EIF4B: variants seen among roughly 807,000 people sequenced by gnomAD.
EIF4B encodes eukaryotic translation initiation factor 4B.
Under a neutral mutation model 79.3 loss-of-function variants are expected in EIF4B, and 8 were observed. That is an observed-to-expected ratio of 0.10 (90% CI 0.06 to 0.18). The LOEUF is 0.18. Ranked by LOEUF, EIF4B falls within the 10% of genes least tolerant of loss-of-function variation. The probability of loss-of-function intolerance (pLI) is 1.00; values close to 1 mark genes in which losing one functional copy is unlikely to be tolerated. For synonymous variants in EIF4B, 238 were observed against 274.7 expected (o/e 0.87, Z 1.32); for missense variants, 515 against 792.4 (o/e 0.65, Z 4.20).
chr12:53,027,137 A>AATTTTTTTT (rs1491387300), intron 6 of EIF4B, among the ~76,000 whole-genome samples: 2 of 25,722 alleles, frequency 7.8e-5, no homozygotes, highest in East Asian at 1.7e-3. Context: ...AAAAAAAAAA[A>AATTTTTTTT]TTTTTTTTTT....
At chr12:53,014,491 ATAT>A (rs1171261566) in intron 1 of EIF4B, 1 of 152,104 alleles carries the variant, frequency 6.6e-6, no homozygotes, top group Admixed American at 6.5e-5. Flanking sequence ...AGCTGGATTA[ATAT>A]TAAGTCACTT....
At chr12:53,035,987 T>TTTTGTATTTTTAATAGAGATGCAGA (rs141046894) in intron 10 of EIF4B, among the ~76,000 whole-genome samples, 2 of 150,776 alleles carry the variant, frequency 1.3e-5, no homozygotes, top group Admixed American at 6.6e-5. Context: ...CCGACTAATT[T>TTTTGTATTTTTAATAGAGATGCAGA]TTTGAACGGG....
At position 53,028,684 on chromosome 12, in the gene EIF4B, G is replaced by GA. The variant is rs990495677; in HGVS notation, c.979+504dup. Reference sequence around the variant, plus strand: ...ATTTATTGAATAAACAGTAGAAATGGAAAAAAAAGTTGCCAGATACTGTTA... The same window carrying GA: ...ATTTATTGAATAAACAGTAGAAATGGAAAAAAAAAGTTGCCAGATACTGTTA... On this transcript the variant is annotated intron_variant, in intron 8 of 14. Coordinates refer to ENST00000262056, the MANE Select transcript of EIF4B (RefSeq NM_001417.7). 9.2e-5 allele frequency among the ~76,000 whole-genome samples: 14 copies of GA among 151,658 alleles called. 1 individual carries two copies. The highest frequency in any genetic ancestry group is 7.7e-4 in the East Asian group (4 of 5,182).
intron 1 of EIF4B, among the ~76,000 whole-genome samples, chr12:53,010,210 T>C (rs1346211704): frequency 1.3e-5 from 2 of 152,218 alleles, no homozygotes; most frequent in African/African-American, 4.8e-5. Context: ...TGGCATCTTC[T>C]GTCAAAATGA....
intron 1 of EIF4B, among the ~76,000 whole-genome samples, chr12:53,010,496 C>T (rs1395558309): frequency 1.3e-5 from 2 of 152,142 alleles, no homozygotes; most frequent in African/African-American, 4.8e-5. Flanking sequence ...TATTGTATTA[C>T]ATTGCATGAA....
chr12:53,034,782 A>T, intron 10 of EIF4B, 73 bp downstream of exon 10: 1 of 1,501,540 alleles, frequency 6.7e-7, no homozygotes, highest in Non-Finnish European at 9.3e-7. Flanking sequence ...TTATGCAGAG[A>T]CCCTGCAATA....
chr12:53,018,014 G>T (rs1422997091), intron 2 of EIF4B, among the ~76,000 whole-genome samples: 1 of 152,176 alleles, frequency 6.6e-6, no homozygotes, highest in Non-Finnish European at 1.5e-5. Flanking sequence ...TTTTCAGATG[G>T]AGTCTCACTC....
In EIF4B at chr12:53,006,748, A is replaced by G. The variant is rs565309200; in HGVS notation, c.13+252A>G. Among the ~76,000 whole-genome samples, 28 of 151,760 alleles carry G rather than the reference A, an allele frequency of 1.8e-4. 1 individual carries two copies. The highest frequency in any genetic ancestry group is 3.9e-4 in the Admixed American group (6 of 15,212). ...CGAGATTGGAATAGGCAGTAATGGT[A>G]GACTCTGGCTTGAATTGGGGAAGGA... is the stretch of plus-strand genomic sequence containing the variant. On this transcript the variant is annotated intron_variant, in intron 1 of 14. Transcript: ENST00000262056.
intron 8 of EIF4B, among the ~76,000 whole-genome samples, chr12:53,032,071 T>C (rs192250440): frequency 3.2e-4 from 49 of 152,362 alleles, no homozygotes; most frequent in African/African-American, 9.9e-4. Context: ...CTTAAGAGTT[T>C]ATTTGTTCAG....
At chr12:53,006,575 CGG>C in intron 1 of EIF4B, 79 bp downstream of exon 1, 2 of 1,608,848 alleles carry the variant, frequency 1.2e-6, no homozygotes, top group Non-Finnish European at 8.5e-7. Flanking sequence ...TTCCTGAAGT[CGG>C]GGAATTGCTG....
chr12:53,036,886 A>G (rs1457743570), intron 10 of EIF4B, among the ~76,000 whole-genome samples: 1 of 152,146 alleles, frequency 6.6e-6, no homozygotes, highest in Non-Finnish European at 1.5e-5. Flanking sequence ...GGGTTTCACC[A>G]TGTTGTCCAG....
intron 8 of EIF4B, among the ~76,000 whole-genome samples, 188 bp downstream of exon 8, chr12:53,028,376 G>C (rs1334587478): frequency 6.6e-6 from 1 of 152,078 alleles, no homozygotes; most frequent in African/African-American, 2.4e-5. Flanking sequence ...AGGAGATCGA[G>C]ACCATCCTGG....
chr12:53,034,744 C>T (rs762778095), intron 10 of EIF4B, 35 bp downstream of exon 10: 2 of 1,610,996 alleles, frequency 1.2e-6, no homozygotes, highest in Non-Finnish European at 1.7e-6. Context: ...GTGTTATTGC[C>T]GTTTTCCATA....
intron 8 of EIF4B, among the ~76,000 whole-genome samples, chr12:53,032,216 C>T (rs775745573): frequency 2.6e-5 from 4 of 152,106 alleles, no homozygotes; most frequent in Non-Finnish European, 5.9e-5. Context: ...CCAAGGCAAG[C>T]GGATCACTTG....
At chr12:53,023,197 A>G (rs1368845598) in intron 6 of EIF4B, among the ~76,000 whole-genome samples, 1 of 152,188 alleles carries the variant, frequency 6.6e-6, no homozygotes, top group Non-Finnish European at 1.5e-5. Flanking sequence ...TGCTGAGTGA[A>G]GAGCAGCATA....
At position 53,016,679 on chromosome 12, in the gene EIF4B, T is replaced by A. The variant is rs929931714; in HGVS notation, c.151+69T>A. 5.3e-6 allele frequency: 8 copies of A among 1,498,844 alleles called. No individual in the cohort carries two copies. In the African/African-American group the frequency reaches 9.9e-5, roughly 19 times the overall value. 92.8% of individuals were successfully genotyped at this position (1,498,844 alleles called of 1,614,324 possible). ...CTAGACAAAACCTATTACATAATAA[T>A]TCACATCGTTTGTAATCTGAAAAGA... On this transcript the variant is annotated intron_variant, in intron 2 of 14. Transcript: ENST00000262056.
chr12:53,029,663 C>T (rs1354117591), intron 8 of EIF4B, among the ~76,000 whole-genome samples: 2 of 152,082 alleles, frequency 1.3e-5, no homozygotes, highest in Non-Finnish European at 2.9e-5. Context: ...CATGAGCCAC[C>T]GTGCCCGGCC....
intron 5 of EIF4B, chr12:53,022,162 T>C: frequency 1.5e-6 from 1 of 662,970 alleles, no homozygotes; most frequent in South Asian, 1.6e-5. Flanking sequence ...AGAAGACTGA[T>C]TGATCTAGAT....
Position 53,006,508 on chromosome 12 carries a change from G to A in EIF4B, c.13+12G>A. On this transcript the variant is annotated intron_variant, in intron 1 of 14. Coordinates refer to ENST00000262056, the MANE Select transcript of EIF4B (RefSeq NM_001417.7). ...CATGGCGGCCTCAGGTGAGCGAGCA[G>A]CCGAGCGCGGCCAAGGACTGGGCTC... 1 of 1,613,606 alleles carries A rather than the reference G, an allele frequency of 6.2e-7. No individual in the cohort carries two copies. The highest frequency in any genetic ancestry group is 8.5e-7 in the Non-Finnish European group (1 of 1,180,032).
Sources: gnomAD v4.1 joint callset for allele counts (sites outside exome capture counted in the v4.1 genomes callset) on GRCh38, gnomAD v4.1.1 for gene constraint, MANE v1.5 for transcripts, NCBI Gene and HGNC (gene_info 2026-07-23, HGNC 2026-07-21) for gene names.